Variants in SLC39A11 observed in about 807,000 individuals in gnomAD.
SLC39A11 encodes the protein solute carrier family 39 member 11, also known as zinc transporter ZIP11.
In SLC39A11, 33 loss-of-function variants were observed where a neutral mutation model predicts 36.1. The ratio of observed to expected loss-of-function variants is 0.91; its 90% CI spans 0.69 to 1.22. SLC39A11 has a LOEUF of 1.22. Ranked by LOEUF, SLC39A11 falls within the 50% of genes most tolerant of loss-of-function variation. The probability of loss-of-function intolerance (pLI) is 0.00; values close to 1 mark genes in which losing one functional copy is unlikely to be tolerated. For missense variants in SLC39A11, 432 were observed against 430.3 expected (o/e 1.00, Z -0.03); for synonymous variants, 166 against 170.3 (o/e 0.97, Z 0.20).
At chr17:72,829,983 T>C (rs2078211151) in intron 6 of SLC39A11, among the ~76,000 whole-genome samples, 3 of 151,788 alleles carry the variant, frequency 2.0e-5, no homozygotes, top group South Asian at 4.2e-4. Context: ...GAGAAACAGG[T>C]CAGAGGGCTT....
chr17:72,702,298 G>A (rs1435851774), intron 7 of SLC39A11, among the ~76,000 whole-genome samples: 4 of 152,076 alleles, frequency 2.6e-5, no homozygotes, highest in African/African-American at 4.8e-5. Flanking sequence ...CACATAGTAG[G>A]CCTTCAAGTG....
At chr17:73,062,475 A>AAAAAAAAAAAAAAAAACAAAAC (rs56021607) in intron 3 of SLC39A11, among the ~76,000 whole-genome samples, 6 of 87,046 alleles carry the variant, frequency 6.9e-5, no homozygotes, top group African/African-American at 2.7e-4. Flanking sequence ...AAAAAAAAAA[A>AAAAAAAAAAAAAAAAACAAAAC]AAACTTTAGG....
intron 4 of SLC39A11, among the ~76,000 whole-genome samples, chr17:72,967,399 A>AGAGAGAGTGTGT (rs143987646): frequency 2.9e-5 from 4 of 138,276 alleles, no homozygotes; most frequent in South Asian, 2.3e-4. Context: ...AGAGAGAGAG[A>AGAGAGAGTGTGT]GTGTGTGTGT....
intron 6 of SLC39A11, among the ~76,000 whole-genome samples, chr17:72,743,739 AACTC>A (rs1197263803): frequency 1.3e-5 from 2 of 152,128 alleles, no homozygotes; most frequent in African/African-American, 4.8e-5. Context: ...CGGTAGAAAG[AACTC>A]ACTGGGGGGA....
At chr17:72,724,308 CTTTCA>C (rs1360214843) in intron 7 of SLC39A11, among the ~76,000 whole-genome samples, 1 of 152,100 alleles carries the variant, frequency 6.6e-6, no homozygotes, top group East Asian at 1.9e-4. Flanking sequence ...CATCTGGCTC[CTTTCA>C]TTTGAGTTTT....
chr17:73,087,595 G>A (rs975269187), intron 2 of SLC39A11, among the ~76,000 whole-genome samples: 13 of 152,106 alleles, frequency 8.5e-5, no homozygotes, highest in Non-Finnish European at 2.9e-5. Flanking sequence ...GTGAGTGTGG[G>A]TTGTGCAGAG....
intron 7 of SLC39A11, among the ~76,000 whole-genome samples, chr17:72,686,991 C>A (rs979959368): frequency 2.6e-5 from 4 of 152,142 alleles, no homozygotes; most frequent in Non-Finnish European, 5.9e-5. Flanking sequence ...GAGGGGAATT[C>A]TTTTCTTCAA....
chr17:72,866,476 C>T (rs1051927453), intron 5 of SLC39A11, among the ~76,000 whole-genome samples: 1 of 152,142 alleles, frequency 6.6e-6, no homozygotes, highest in Non-Finnish European at 1.5e-5. Flanking sequence ...CCACAACCCC[C>T]AGGTCTTTGA....
intron 6 of SLC39A11, chr17:72,839,813 G>A (rs1437563489): frequency 2.0e-5 from 3 of 152,218 alleles, no homozygotes; most frequent in Admixed American, 6.5e-5. Flanking sequence ...TAAGTTGAGG[G>A]TTGAGGTGTT....
intron 5 of SLC39A11, among the ~76,000 whole-genome samples, chr17:72,917,187 T>C (rs184423200): frequency 4.8e-4 from 73 of 152,348 alleles, no homozygotes; most frequent in African/African-American, 1.7e-3. Context: ...CAACTCAAGA[T>C]GCACACACGT....
At chr17:72,655,423 A>C (rs1246736586) in intron 7 of SLC39A11, among the ~76,000 whole-genome samples, 1 of 152,168 alleles carries the variant, frequency 6.6e-6, no homozygotes, top group East Asian at 1.9e-4. Flanking sequence ...AGTCACAGGG[A>C]GCACCGGCAA....
At chr17:72,789,375 G>A (rs759100756) in intron 6 of SLC39A11, among the ~76,000 whole-genome samples, 3 of 152,294 alleles carry the variant, frequency 2.0e-5, no homozygotes, top group East Asian at 1.9e-4. Flanking sequence ...GCACTGTGAC[G>A]TGCTATCATG....
At chr17:73,080,955 A>AAATAAAT (rs1568241369) in intron 3 of SLC39A11, among the ~76,000 whole-genome samples, 96 of 147,010 alleles carry the variant, frequency 6.5e-4, no homozygotes, top group Non-Finnish European at 1.3e-3. Flanking sequence ...AAAAAACAAT[A>AAATAAAT]AAATAAATAA....
chr17:72,833,547 G>A (rs566522965), intron 6 of SLC39A11, among the ~76,000 whole-genome samples: 300 of 152,334 alleles, frequency 2.0e-3, no homozygotes, highest in African/African-American at 7.1e-3. Context: ...CTAGCAGAAA[G>A]CTGACAATAA....
At chr17:72,945,497 A>G (rs2085378600) in intron 5 of SLC39A11, among the ~76,000 whole-genome samples, 2 of 152,170 alleles carry the variant, frequency 1.3e-5, no homozygotes, top group South Asian at 4.1e-4. Flanking sequence ...TCAAATAGCC[A>G]TTATCAGTTT....
chr17:73,007,163 C>T (rs972666436), intron 4 of SLC39A11, among the ~76,000 whole-genome samples: 3 of 152,170 alleles, frequency 2.0e-5, no homozygotes, highest in Non-Finnish European at 4.4e-5. Flanking sequence ...TGGCTCACAC[C>T]TGTAATCCCA....
Position 73,026,165 on chromosome 17 carries a change from AGAGAG to A in SLC39A11, c.306+5386_306+5390del, listed in dbSNP as rs930794201. Among the ~76,000 whole-genome samples, 580 of 150,220 alleles carry A rather than the reference AGAGAG, an allele frequency of 3.9e-3. 9 individuals are homozygous for A. Among genetic ancestry groups the A allele is most frequent in the African/African-American group, 0.014 (558 of 40,382 alleles). On this transcript the variant is annotated intron_variant, in intron 4 of 9. Coordinates refer to ENST00000255559, the MANE Select transcript of SLC39A11 (RefSeq NM_139177.4). ...GAGAAAAGAGAGAGCAGAGGAGAGA[AGAGAG>A]GAGAGGAGAAAGAGAAGAGAGAAGA...
rs571336511 is a variant in SLC39A11, at chr17:73,003,268, T to C, written c.306+28288A>G. ...AACTTTACCTGCAAATATCTGGAAA[T>C]GTACAGATCACCCCAGCTTGACGGG... On this transcript the variant is annotated intron_variant, in intron 4 of 9. Transcript: ENST00000255559. 1.2e-4 allele frequency among the ~76,000 whole-genome samples: 18 copies of C among 152,320 alleles called. No individual in the cohort carries two copies. In the South Asian group the frequency reaches 2.9e-3, roughly 25 times the overall value.
intron 6 of SLC39A11, among the ~76,000 whole-genome samples, chr17:72,772,804 C>T (rs755287758): frequency 2.0e-5 from 3 of 152,162 alleles, no homozygotes; most frequent in Non-Finnish European, 4.4e-5. Context: ...AATGCACAGG[C>T]TGGGCGCAGT....
Sources: allele counts gnomAD v4.1 joint callset (sites outside exome capture counted in the v4.1 genomes callset), GRCh38; gene constraint gnomAD v4.1.1; transcripts MANE v1.5; gene names NCBI Gene and HGNC (gene_info 2026-07-23, HGNC 2026-07-21).